Variants in NCOR2 observed in about 807,000 individuals in gnomAD.
The protein encoded by NCOR2 is nuclear receptor corepressor 2, also known as CTG repeat protein 26.
NCOR2 carries 81 observed loss-of-function variants against 262.9 expected under a neutral mutation model. That is an observed-to-expected ratio of 0.31 (90% confidence interval 0.26 to 0.37). NCOR2 has a LOEUF of 0.37. Ranked by LOEUF, NCOR2 falls within the 10% of genes least tolerant of loss-of-function variation. The pLI, the probability that NCOR2 is intolerant of heterozygous loss-of-function variation, is 1.00. For synonymous variants in NCOR2, 1,659 were observed against 1,559.3 expected (o/e 1.06, Z -1.51); for missense variants, 3,385 against 3,621.4 (o/e 0.93, Z 1.68).
intron 7 of NCOR2, among the ~76,000 whole-genome samples, chr12:124,439,376 G>GACCCA (rs1419288033): frequency 8.1e-6 from 1 of 123,820 alleles, no homozygotes; most frequent in Admixed American, 8.3e-5. Flanking sequence ...CGGAGACAGA[G>GACCCA]GGAGACAGAG....
chr12:124,455,428 G>A (rs1462477853), intron 6 of NCOR2, among the ~76,000 whole-genome samples: 2 of 152,192 alleles, frequency 1.3e-5, no homozygotes, highest in Non-Finnish European at 1.5e-5. Context: ...GGAGCCCAGC[G>A]AGGTTCCTGA....
chr12:124,438,957 A>G (rs917427112), intron 7 of NCOR2, among the ~76,000 whole-genome samples: 1 of 93,444 alleles, frequency 1.1e-5, no homozygotes, highest in Non-Finnish European at 2.2e-5. Context: ...AGAGAGACCC[A>G]GAGACAGAGG....
chr12:124,537,334 C>T (rs1284325689), upstream of NCOR2, among the ~76,000 whole-genome samples: 5 of 152,230 alleles, frequency 3.3e-5, no homozygotes, highest in Non-Finnish European at 7.3e-5. Flanking sequence ...TCAGTCTCAA[C>T]GGACCTCTGG....
exon 24 of NCOR2, chr12:124,355,502 T>A: frequency 1.2e-6 from 2 of 1,609,330 alleles, no homozygotes; most frequent in Non-Finnish European, 1.7e-6. Flanking sequence ...GGGAGGCGGG[T>A]TGGAGATGGT....
At chr12:124,348,430 C>G in intron 28 of NCOR2, 116 bp from the exon 31 acceptor site, 1 of 1,372,884 alleles carries the variant, frequency 7.3e-7, no homozygotes, top group Non-Finnish European at 9.7e-7. Flanking sequence ...ATGCTGGCCC[C>G]GTCACAAAGC....
Position 124,495,064 on chromosome 12 carries a change from G to C in NCOR2, c.105+83C>G. ...AGAGCCACATGAGCCTGGCTCCCAG[G>C]AGAAAGGAAGGGGTGAAGACTCAGT... On this transcript the variant is annotated intron_variant, in intron 1 of 46. Transcript: ENST00000405201. The surrounding 1 kb of genome is among the most constrained non-coding windows in gnomAD (Gnocchi z 4.4). 1 of 1,522,942 alleles carries C rather than the reference G, an allele frequency of 6.6e-7. No homozygotes were observed. 94.3% of individuals were successfully genotyped at this position (1,522,942 alleles called of 1,614,324 possible).
chr12:124,529,473 CA>C (rs1163819496), intron 1 of NCOR2, among the ~76,000 whole-genome samples: 3 of 151,224 alleles, frequency 2.0e-5, no homozygotes, highest in East Asian at 3.9e-4. Context: ...GACTCTGTCT[CA>C]AAAAAAATAA....
chr12:124,429,844 C>A, intron 9 of NCOR2, 138 bp from the exon 12 acceptor site: 1 of 798,232 alleles, frequency 1.3e-6, no homozygotes, highest in Non-Finnish European at 2.0e-6. Flanking sequence ...GCCGGCCCCA[C>A]ACCCGGGGTC....
At chr12:124,369,941 T>C (rs1794961) in intron 20 of NCOR2, among the ~76,000 whole-genome samples, 148,493 of 152,270 alleles carry the variant, frequency 0.98, 72,459 homozygotes, top group Non-Finnish European at 0.99. Flanking sequence ...GGCTCCCCAG[T>C]CCGGGGCCAG....
intron 5 of NCOR2, among the ~76,000 whole-genome samples, chr12:124,461,484 T>C (rs988985351): frequency 4.6e-5 from 7 of 152,242 alleles, no homozygotes; most frequent in Non-Finnish European, 1.0e-4. Context: ...CCAAAAAGCC[T>C]AGGAGCTGTG....
At chr12:124,560,189 G>C (rs1474883221) in intron 1 of NCOR2, among the ~76,000 whole-genome samples, 1 of 152,212 alleles carries the variant, frequency 6.6e-6, no homozygotes, top group Non-Finnish European at 1.5e-5. Context: ...TAGTATATTA[G>C]GGATCGGCAA....
chr12:124,362,014 T>TC, intron 22 of NCOR2, 112 bp downstream of exon 24: 1 of 1,020,016 alleles, frequency 9.8e-7, no homozygotes, highest in East Asian at 3.2e-5. Context: ...TACTTTGCTT[T>TC]CCCTGCCACT....
In NCOR2 at chr12:124,566,074, G is replaced by A. The variant is rs962540015; in HGVS notation, c.-165+1234C>T. ...GGCCACCGGTAACACATCCCAACGC[G>A]CCCAGAACTCCCCCACCCCGCCCAC... is the stretch of plus-strand genomic sequence containing the variant. On this transcript the variant is annotated intron_variant, in intron 1 of 32. Coordinates refer to the NCOR2 transcript ENST00000458234. This position sits in a 1 kb window ranked among gnomAD's most constrained non-coding sequence, Gnocchi z 4.3. Among the ~76,000 whole-genome samples, 3 of 152,084 alleles carry A rather than the reference G, an allele frequency of 2.0e-5. No individual in the cohort carries two copies. Among genetic ancestry groups the A allele is most frequent in the African/African-American group, 7.2e-5 (3 of 41,408 alleles).
chr12:124,511,185 A>G (rs1450591979), intron 1 of NCOR2, among the ~76,000 whole-genome samples: 1 of 152,064 alleles, frequency 6.6e-6, no homozygotes, highest in Non-Finnish European at 1.5e-5. Flanking sequence ...ATTTCGGGGT[A>G]CCACCTACAC....
Position 124,432,238 on chromosome 12 carries a change from C to G in NCOR2, c.883-1451G>C, listed in dbSNP as rs576416249. Among the ~76,000 whole-genome samples the G allele has an allele frequency of 5.3e-5, 8 of 152,220 alleles. No homozygotes were observed. The highest frequency in any genetic ancestry group is 1.9e-4 in the African/African-American group (8 of 41,536). On this transcript the variant is annotated intron_variant, in intron 8 of 46. Coordinates refer to ENST00000405201, the Ensembl canonical transcript of NCOR2. The surrounding 1 kb of genome is among the most constrained non-coding windows in gnomAD (Gnocchi z 5.1). Reference sequence around the variant, plus strand: ...AGACACACAACAGACACACACACATCACACAGGCAGACGACAGAAAGACAG... The same window carrying G: ...AGACACACAACAGACACACACACATGACACAGGCAGACGACAGAAAGACAG...
chr12:124,396,634 G>A (rs948859123), intron 16 of NCOR2, among the ~76,000 whole-genome samples: 23 of 152,086 alleles, frequency 1.5e-4, no homozygotes, highest in Non-Finnish European at 1.5e-5. Flanking sequence ...CTTCCTGAAT[G>A]GTGCGAGGGT....
chr12:124,461,546 C>T (rs1320090002), intron 5 of NCOR2, among the ~76,000 whole-genome samples: 3 of 152,252 alleles, frequency 2.0e-5, no homozygotes, highest in Admixed American at 2.0e-4. Flanking sequence ...ACGGGAGCAC[C>T]AGACCCACGT....
At chr12:124,370,731 G>A (rs551792116) in intron 20 of NCOR2, among the ~76,000 whole-genome samples, 5 of 152,260 alleles carry the variant, frequency 3.3e-5, no homozygotes, top group Middle Eastern at 3.4e-3. Context: ...GGTAAAAGGT[G>A]GCATTCTCAG....
At chr12:124,427,131 A>C (rs1422615922) in intron 10 of NCOR2, among the ~76,000 whole-genome samples, 1 of 152,098 alleles carries the variant, frequency 6.6e-6, no homozygotes, top group African/African-American at 2.4e-5. Flanking sequence ...AAGGATGCTC[A>C]GCCCAGCTGG....
Sources: gnomAD v4.1 joint callset for allele counts (sites outside exome capture counted in the v4.1 genomes callset) on GRCh38, gnomAD v4.1.1 for gene constraint, Gnocchi (gnomAD v3.1) non-coding constraint, MANE v1.5 for transcripts, NCBI Gene and HGNC (gene_info 2026-07-23, HGNC 2026-07-21) for gene names.